The following MOB4 variants were observed in gnomAD, a reference collection of about 807,000 sequenced individuals.
MOB4 encodes MOB-like protein phocein.
A neutral mutation model predicts 32.2 loss-of-function variants in MOB4; 4 were observed. The observed-to-expected ratio is 0.12, with a 90% CI of 0.06 to 0.28. MOB4 has a LOEUF of 0.28. Ranked by LOEUF, MOB4 falls within the 10% of genes least tolerant of loss-of-function variation. The pLI, the probability that MOB4 is intolerant of heterozygous loss-of-function variation, is 1.00. For missense variants in MOB4, 158 were observed against 271.2 expected (o/e 0.58, Z 2.93); for synonymous variants, 88 against 88.1 (o/e 1.00, Z 0.01).
In MOB4 at chr2:197,540,946, G is replaced by T. The variant is rs569675890; in HGVS notation, c.354+509G>T. Among the ~76,000 whole-genome samples the T allele has an allele frequency of 1.1e-3, 169 of 151,286 alleles. No homozygotes were observed. In the Middle Eastern group the frequency reaches 0.017, roughly 15 times the overall value. On this transcript the variant is annotated intron_variant, in intron 5 of 7. Transcript: ENST00000323303. ...AGATGGATTCTTACTCCGTTGTCCA[G>T]GCTGGAGTGCAGTGGTATGATCTCG... is the stretch of plus-strand genomic sequence containing the variant.
intron 2 of MOB4, among the ~76,000 whole-genome samples, chr2:197,535,080 C>T (rs766734574): frequency 1.3e-5 from 2 of 151,988 alleles, no homozygotes; most frequent in Non-Finnish European, 2.9e-5. Flanking sequence ...AAAGTTAGCC[C>T]GGCGTGATGG....
chr2:197,550,424 T>A (rs1434109727), intron 7 of MOB4, 38 bp downstream of exon 7: 1 of 1,607,198 alleles, frequency 6.2e-7, no homozygotes, highest in African/African-American at 1.3e-5. Flanking sequence ...TGCATTCTTA[T>A]CAGTGTAACA....
At chr2:197,545,025 G>A (rs1369828504) in intron 5 of MOB4, among the ~76,000 whole-genome samples, 2 of 152,104 alleles carry the variant, frequency 1.3e-5, no homozygotes, top group East Asian at 1.9e-4. Flanking sequence ...AGTTGCATAC[G>A]ACCCAGGAAT....
intron 2 of MOB4, 40 bp from the exon 3 acceptor site, chr2:197,535,490 G>A: frequency 6.5e-7 from 1 of 1,539,474 alleles, no homozygotes; most frequent in Non-Finnish European, 8.8e-7. Context: ...TTTACCAGGT[G>A]ATATAATTTA....
chr2:197,531,760 G>T (rs2086709318), intron 2 of MOB4, among the ~76,000 whole-genome samples: 1 of 151,850 alleles, frequency 6.6e-6, no homozygotes, highest in South Asian at 2.1e-4. Flanking sequence ...GGCCAGGCTG[G>T]TCTCGAACTC....
intron 7 of MOB4, 35 bp downstream of exon 7, chr2:197,550,421 T>G: frequency 6.2e-7 from 1 of 1,607,766 alleles, no homozygotes. Flanking sequence ...TGATGCATTC[T>G]TATCAGTGTA....
At chr2:197,543,885 A>C (rs2086942805) in intron 5 of MOB4, among the ~76,000 whole-genome samples, 1 of 151,822 alleles carries the variant, frequency 6.6e-6, no homozygotes, top group South Asian at 2.1e-4. Context: ...ATTTACAGGC[A>C]TGTGCCACCT....
intron 5 of MOB4, among the ~76,000 whole-genome samples, chr2:197,547,746 T>A (rs531483925): frequency 6.6e-6 from 1 of 152,214 alleles, no homozygotes. Flanking sequence ...TTGCTCCCTG[T>A]CTGCCCTCAG....
intron 2 of MOB4, chr2:197,533,722 CAAA>C (rs796816631): frequency 8.7e-3 from 1,227 of 141,534 alleles, no homozygotes; most frequent in South Asian, 0.012. Flanking sequence ...CAAAACTCCT[CAAA>C]AAAAAAAAAA....
At chr2:197,537,455 T>G (rs1193566025) in intron 3 of MOB4, among the ~76,000 whole-genome samples, 1 of 152,204 alleles carries the variant, frequency 6.6e-6, no homozygotes, top group Non-Finnish European at 1.5e-5. Flanking sequence ...TTTCCTGTGT[T>G]GTGTGCCTCA....
rs541885408 is a variant in MOB4, at chr2:197,516,243, C to T, written c.60+97C>T. ...CTGCGGGGAGGTTGGGCCGAGGCGG[C>T]AGGCGGGCGGGCTGGGGCACTGGTG... is the stretch of plus-strand genomic sequence containing the variant. On this transcript the variant is annotated intron_variant, in intron 1 of 7. Coordinates refer to ENST00000323303, the MANE Select transcript of MOB4 (RefSeq NM_015387.5). 326 of 1,516,230 alleles carry T rather than the reference C, an allele frequency of 2.2e-4. 4 individuals are homozygous for T. In the South Asian group the frequency reaches 3.9e-3, roughly 18 times the overall value. The allele number at this position is 1,516,230 out of a possible 1,614,324, so 93.9% of individuals were successfully genotyped here. A position where few individuals can be genotyped will look rare whatever the true frequency, so the allele number is the denominator to read the frequency against.
At chr2:197,538,175 CT>C (rs2086835641) in intron 3 of MOB4, among the ~76,000 whole-genome samples, 1 of 151,792 alleles carries the variant, frequency 6.6e-6, no homozygotes, top group South Asian at 2.1e-4. Flanking sequence ...ATTTATCTCC[CT>C]ATTTAACTTA....
intron 5 of MOB4, among the ~76,000 whole-genome samples, chr2:197,546,814 C>T (rs1375328623): frequency 6.6e-6 from 1 of 152,198 alleles, no homozygotes; most frequent in Non-Finnish European, 1.5e-5. Flanking sequence ...TAACTTTTGA[C>T]TCCCCCAAAA....
chr2:197,538,210 A>G (rs934481399), intron 3 of MOB4, among the ~76,000 whole-genome samples: 1 of 151,872 alleles, frequency 6.6e-6, no homozygotes, highest in African/African-American at 2.4e-5. Context: ...TATATAAAAC[A>G]TTACATAAAA....
At chr2:197,533,892 C>A in intron 2 of MOB4, 1 of 636,588 alleles carries the variant, frequency 1.6e-6, no homozygotes, top group Non-Finnish European at 3.0e-6. Flanking sequence ...CCAGTGGATT[C>A]AGATGAAAAC....
At chr2:197,522,781 C>G (rs2106106671) in intron 1 of MOB4, among the ~76,000 whole-genome samples, 1 of 152,100 alleles carries the variant, frequency 6.6e-6, no homozygotes, top group Admixed American at 6.6e-5. Flanking sequence ...CTTTGGGAGT[C>G]TGAAGTAGGC....
chr2:197,552,850 T>C lies in MOB4; in HGVS notation c.*2204T>C, dbSNP rs1450514867. The C allele has an allele frequency of 1.3e-5, 2 of 152,252 alleles. No individual in the cohort carries two copies. Among genetic ancestry groups the C allele is most frequent in the Non-Finnish European group, 2.9e-5 (2 of 68,022 alleles). The allele number at this position is 152,252 out of a possible 1,614,324, so 9.4% of individuals were successfully genotyped here. On this transcript the variant is annotated 3_prime_UTR_variant, in exon 8 of 8. Transcript: ENST00000323303. ...GTGTTCTAAGAGGGGAACAAGACAG[T>C]TCTGTGTGATAAGGAAGTTAGGCTC... is the stretch of plus-strand genomic sequence containing the variant.
intron 5 of MOB4, among the ~76,000 whole-genome samples, chr2:197,544,302 C>G (rs528429231): frequency 6.6e-6 from 1 of 152,220 alleles, no homozygotes; most frequent in Non-Finnish European, 1.5e-5. Flanking sequence ...AAACTCCTGG[C>G]CTCAAGTGAT....
chr2:197,516,078 G>A lies in MOB4; in HGVS notation c.-9G>A. ...GGGTACCGACTCCAGCCGCCTAGAC[G>A]CTGGCACTATGGTCATGGCGGAGGG... On this transcript the variant is annotated 5_prime_UTR_variant, in exon 1 of 8. Transcript: ENST00000323303. 1 of 1,589,706 alleles carries A rather than the reference G, an allele frequency of 6.3e-7. No homozygotes were observed. Among genetic ancestry groups the A allele is most frequent in the Non-Finnish European group, 8.6e-7 (1 of 1,169,350 alleles).
Sources: gnomAD v4.1 joint callset for allele counts (sites outside exome capture counted in the v4.1 genomes callset) on GRCh38, gnomAD v4.1.1 for gene constraint, MANE v1.5 for transcripts, NCBI Gene and HGNC (gene_info 2026-07-23, HGNC 2026-07-21) for gene names.